The following AP3D1 variants were observed in gnomAD, a reference collection of about 807,000 sequenced individuals.
The protein encoded by AP3D1 is adaptor related protein complex 3 subunit delta 1, also known as AP-3 complex subunit delta-1.
AP3D1 carries 51 observed loss-of-function variants against 147.6 expected under a neutral mutation model. The observed-to-expected ratio is 0.35, with a 90% CI of 0.28 to 0.44. AP3D1 has a LOEUF of 0.44. Ranked by LOEUF, AP3D1 falls within the 20% of genes least tolerant of loss-of-function variation. The pLI, the probability that AP3D1 is intolerant of heterozygous loss-of-function variation, is 1.00. For synonymous variants in AP3D1, 760 were observed against 663.0 expected (o/e 1.15, Z -2.25); for missense variants, 1,421 against 1,624.2 (o/e 0.87, Z 2.15).
At chr19:2,163,554 T>A (rs373851534) in intron 1 of AP3D1, among the ~76,000 whole-genome samples, 2 of 151,452 alleles carry the variant, frequency 1.3e-5, no homozygotes, top group Admixed American at 6.6e-5. Flanking sequence ...GACTTGGAGC[T>A]ACAGCAAGTC....
intron 27 of AP3D1, among the ~76,000 whole-genome samples, 198 bp from the exon 28 acceptor site, chr19:2,110,422 CCT>C (rs1454419316): frequency 1.1e-4 from 17 of 152,240 alleles, no homozygotes; most frequent in African/African-American, 3.4e-4. Flanking sequence ...TGGTCCCATC[CCT>C]GTTTCAGAGG....
rs763277675 is a variant in AP3D1, at chr19:2,112,968, C to G, written c.2680-1G>C. 6.2e-7 allele frequency: 1 copy of G among 1,607,196 alleles called. No individual in the cohort carries two copies. The highest frequency in any genetic ancestry group is 1.1e-5 in the South Asian group (1 of 90,414). ...TGACAGTGTTCACACTGAGCTCCCC[C>G]TGCAGGGAGCCAGGGCTTGGGGCTC... On this transcript the variant is annotated splice_acceptor_variant, in intron 23 of 31. Coordinates refer to ENST00000643116, the MANE Select transcript of AP3D1 (RefSeq NM_001261826.3). LOFTEE classifies it high-confidence loss of function.
At chr19:2,152,474 CAG>C (rs1450964829), upstream of AP3D1, among the ~76,000 whole-genome samples, 1 of 151,868 alleles carries the variant, frequency 6.6e-6, no homozygotes, top group African/African-American at 2.4e-5. Context: ...AACCAGAAGG[CAG>C]AGGTTGCAGT....
In AP3D1 at chr19:2,118,593, G is replaced by A; in HGVS notation, c.1713+8C>T. On this transcript the variant is annotated splice_region_variant and intron_variant, in intron 15 of 31. Coordinates refer to ENST00000643116, the MANE Select transcript of AP3D1 (RefSeq NM_001261826.3). ...AGGCTCGGCCCAACACGGAGTGTTG[G>A]ATCTTACCCGCTCCTGCACCTCCAG... The A allele has an allele frequency of 1.2e-5, 20 of 1,604,504 alleles. No individual in the cohort carries two copies. The highest frequency in any genetic ancestry group is 2.2e-5 in the East Asian group (1 of 44,782).
intron 1 of AP3D1, among the ~76,000 whole-genome samples, chr19:2,147,046 G>C (rs979563024): frequency 4.9e-5 from 7 of 143,806 alleles, no homozygotes; most frequent in African/African-American, 1.5e-4. Context: ...TAAAAGGAGA[G>C]AAAACCCGCT....
In AP3D1 at chr19:2,115,406, G is replaced by A; in HGVS notation, c.2162C>T (p.Ser721Leu). The change falls in exon 20 of 32, where the codon TCA (serine) becomes TTA (leucine). Residue 721 changes from serine to leucine, a missense_variant. Physicochemically the swap from Ser to Leu is moderately radical, Grantham distance 145. Around this residue, in one of 6 missense-constraint regions of AP3D1, gnomAD observed 791 missense variants for 761.4 expected, o/e 1.04. Coordinates refer to ENST00000643116, the MANE Select transcript of AP3D1 (RefSeq NM_001261826.3). Reference sequence around the variant, plus strand: ...CTCCTCCAGCTTCACATACTGATCTGACATAGGCAGCCCTGCGGGCCGGCA... The same window carrying A: ...CTCCTCCAGCTTCACATACTGATCTAACATAGGCAGCCCTGCGGGCCGGCA... ...VPLKVPGLPM[S>L]DQYVKLEEER... 5 of 1,607,210 alleles carry A rather than the reference G, an allele frequency of 3.1e-6. No homozygotes were observed. The highest frequency in any genetic ancestry group is 4.2e-6 in the Non-Finnish European group (5 of 1,179,856).
chr19:2,138,061 C>A (rs927631258), intron 2 of AP3D1, among the ~76,000 whole-genome samples: 1 of 152,212 alleles, frequency 6.6e-6, no homozygotes, highest in East Asian at 1.9e-4. Flanking sequence ...GGTTAACTGG[C>A]GCTTACGGGT....
At chr19:2,148,146 CAAAA>C (rs5826756) in intron 1 of AP3D1, among the ~76,000 whole-genome samples, 4 of 98,142 alleles carry the variant, frequency 4.1e-5, no homozygotes, top group Non-Finnish European at 4.0e-5. Context: ...GACTCCGTCT[CAAAA>C]AAAAAAAAAA....
rs1180585570 is a variant in AP3D1, at chr19:2,111,846, T to G, written c.2788-18A>C. Reference sequence around the variant, plus strand: ...GGAGATTTCTGGAGCAAGAGGAGGGTCGGGTTCAGTGCCCAGGCTGCTCCA... The same window carrying G: ...GGAGATTTCTGGAGCAAGAGGAGGGGCGGGTTCAGTGCCCAGGCTGCTCCA... On this transcript the variant is annotated intron_variant, in intron 24 of 31. Transcript: ENST00000643116. The G allele has an allele frequency of 1.2e-6, 2 of 1,612,772 alleles. No individual in the cohort carries two copies. Among genetic ancestry groups the G allele is most frequent in the African/African-American group, 2.7e-5 (2 of 74,882 alleles).
chr19:2,122,004 T>C (rs1364023781), intron 11 of AP3D1, 125 bp from the exon 12 acceptor site: 1 of 1,115,284 alleles, frequency 9.0e-7, no homozygotes, highest in Non-Finnish European at 1.3e-6. Context: ...AACCTGGGGG[T>C]GGACAGAGCA....
chr19:2,147,072 T>C (rs1180067550), intron 1 of AP3D1, among the ~76,000 whole-genome samples: 1 of 152,006 alleles, frequency 6.6e-6, no homozygotes, highest in East Asian at 1.9e-4. Flanking sequence ...CGGCTGGGCG[T>C]GGTGGCTCAC....
chr19:2,118,235 G>A (rs1451148169), intron 15 of AP3D1, among the ~76,000 whole-genome samples: 2 of 152,202 alleles, frequency 1.3e-5, no homozygotes, highest in Non-Finnish European at 2.9e-5. Context: ...TGGCACAGGT[G>A]TACAGTCTGC....
In AP3D1 at chr19:2,132,576, G is replaced by C. The variant is rs1287462179; in HGVS notation, c.357C>G (p.Asp119Glu). The change falls in exon 5 of 32, where the codon GAC (aspartate) becomes GAG (glutamate). Residue 119 changes from aspartate (D) to glutamate (E), a missense_variant and splice_region_variant. Around this residue, in one of 6 missense-constraint regions of AP3D1, gnomAD observed 292 missense variants for 412.0 expected, o/e 0.71. Coordinates refer to ENST00000643116, the MANE Select transcript of AP3D1 (RefSeq NM_001261826.3). ...IMLTTNQIRK[D>E]LSSPSQYDTG... Reference sequence around the variant, plus strand: ...TGTCGTACTGGCTGGGGCTGCTCAAGTCCTGGAAAGTGAGAGAAAGGGGCC... The same window carrying C: ...TGTCGTACTGGCTGGGGCTGCTCAACTCCTGGAAAGTGAGAGAAAGGGGCC... The C allele has an allele frequency of 6.3e-7, 1 of 1,597,898 alleles. No homozygotes were observed. The highest frequency in any genetic ancestry group is 8.6e-7 in the Non-Finnish European group (1 of 1,166,624).
rs2019498579 is a variant in AP3D1, at chr19:2,151,171, T to C, written c.96+68A>G. 3 of 1,454,486 alleles carry C rather than the reference T, an allele frequency of 2.1e-6. No individual in the cohort carries two copies. The South Asian group carries it at 3.6e-5, about 18-fold the overall frequency. 90.1% of individuals were successfully genotyped at this position (1,454,486 alleles called of 1,614,324 possible). On this transcript the variant is annotated intron_variant, in intron 1 of 31. Transcript: ENST00000643116. The stretch of plus-strand genomic sequence containing the variant: ...CGGGCGGCAGGCCGAGCAGGCCCAG[T>C]GAGCAGGGCTGGGCCCTGGGCCGGG...
At chr19:2,142,018 A>G (rs1291576817) in intron 1 of AP3D1, among the ~76,000 whole-genome samples, 1 of 150,614 alleles carries the variant, frequency 6.6e-6, no homozygotes, top group East Asian at 1.9e-4. Flanking sequence ...GTTTATTTAT[A>G]TATATATATG....
At chr19:2,106,906 G>A (rs947964576) in intron 31 of AP3D1, among the ~76,000 whole-genome samples, 5 of 152,260 alleles carry the variant, frequency 3.3e-5, no homozygotes, top group East Asian at 3.9e-4. Flanking sequence ...GGGAGGCAAC[G>A]GGGAGTGAGT....
rs903559392 is a variant in AP3D1 at position 2,123,481 on chromosome 19, C to T, written c.907-75G>A. The T allele has an allele frequency of 3.3e-6, 5 of 1,496,806 alleles. No homozygotes were observed. In the Admixed American group the frequency reaches 9.0e-5, roughly 27 times the overall value. 92.7% of individuals were successfully genotyped at this position (1,496,806 alleles called of 1,614,324 possible). A position where few individuals can be genotyped will look rare whatever the true frequency, so the allele number is the denominator to read the frequency against. ...GAGTCCCACAGGTACCCTCCAGATT[C>T]AACCTCAACCTGGCCTAAGGCCCGG... On this transcript the variant is annotated intron_variant, in intron 10 of 31. Transcript: ENST00000643116.
chr19:2,111,855 G>A, intron 24 of AP3D1, 27 bp from the exon 25 acceptor site: 1 of 1,612,270 alleles, frequency 6.2e-7, no homozygotes, highest in Non-Finnish European at 8.5e-7. Flanking sequence ...GTCGGGTTCA[G>A]TGCCCAGGCT....
intron 1 of AP3D1, among the ~76,000 whole-genome samples, chr19:2,142,813 A>T (rs554555209): frequency 6.7e-6 from 1 of 150,274 alleles, no homozygotes; most frequent in African/African-American, 2.5e-5. Context: ...CCCAGGCTGG[A>T]GTACAATGGT....
Sources: gnomAD v4.1 joint callset for allele counts (sites outside exome capture counted in the v4.1 genomes callset) on GRCh38, gnomAD v4.1.1 for gene constraint, gnomAD v4.1.1 regional missense constraint, MANE v1.5 for transcripts, NCBI Gene and HGNC (gene_info 2026-07-23, HGNC 2026-07-21) for gene names.